CCSER1: variants seen among roughly 807,000 people sequenced by gnomAD.
CCSER1 encodes coiled-coil serine rich protein 1, also known as serine-rich coiled-coil domain-containing protein 1.
CCSER1 carries 41 observed loss-of-function variants against 82.0 expected under a neutral mutation model. The observed-to-expected ratio is 0.50, with a 90% CI of 0.39 to 0.65. CCSER1 has a LOEUF of 0.65. Ranked by LOEUF, CCSER1 falls within the 30% of genes least tolerant of loss-of-function variation. The pLI, the probability that CCSER1 is intolerant of heterozygous loss-of-function variation, is 0.00. For synonymous variants in CCSER1, 414 were observed against 383.9 expected (o/e 1.08, Z -0.92); for missense variants, 1,119 against 1,064.2 (o/e 1.05, Z -0.72).
At chr4:90,876,044 G>A (rs895519111) in intron 8 of CCSER1, among the ~76,000 whole-genome samples, 1 of 152,092 alleles carries the variant, frequency 6.6e-6, no homozygotes, top group Non-Finnish European at 1.5e-5. Context: ...TGGTAGCCTT[G>A]CCTGCTTCTT....
intron 5 of CCSER1, among the ~76,000 whole-genome samples, chr4:90,480,257 A>G (rs1041685632): frequency 6.6e-6 from 1 of 151,890 alleles, no homozygotes; most frequent in Admixed American, 6.6e-5. Flanking sequence ...GTTTGAGTTT[A>G]TTGTAGATTC....
At chr4:90,720,317 A>G (rs1265506970) in intron 6 of CCSER1, among the ~76,000 whole-genome samples, 2 of 151,906 alleles carry the variant, frequency 1.3e-5, no homozygotes, top group African/African-American at 4.8e-5. Context: ...AAAACACAAG[A>G]CCTAGGCACT....
intron 10 of CCSER1, among the ~76,000 whole-genome samples, chr4:91,478,993 TATAC>T (rs1360587835): frequency 1.3e-5 from 2 of 151,832 alleles, no homozygotes; most frequent in African/African-American, 4.8e-5. Context: ...ATTAAGCAAA[TATAC>T]ATACGTTTAA....
intron 10 of CCSER1, among the ~76,000 whole-genome samples, chr4:91,336,140 C>A (rs888082437): frequency 2.0e-5 from 3 of 152,034 alleles, no homozygotes; most frequent in African/African-American, 7.2e-5. Context: ...TGTCTATGCA[C>A]ATTCATTAAC....
At chr4:91,387,531 G>A (rs371037553) in intron 10 of CCSER1, among the ~76,000 whole-genome samples, 1 of 152,004 alleles carries the variant, frequency 6.6e-6, no homozygotes, top group African/African-American at 2.4e-5. Flanking sequence ...GCTTATGAAG[G>A]AAGCCATATA....
At chr4:90,232,776 A>T (rs1403889334) in intron 1 of CCSER1, among the ~76,000 whole-genome samples, 4 of 150,472 alleles carry the variant, frequency 2.7e-5, no homozygotes, top group African/African-American at 4.9e-5. Context: ...CAAATTTACA[A>T]GAAAAAAACA....
At chr4:90,276,259 C>T (rs71609588) in intron 1 of CCSER1, among the ~76,000 whole-genome samples, 4,815 of 60,880 alleles carry the variant, frequency 0.079, 115 homozygotes, top group East Asian at 0.087. Flanking sequence ...TCTTTCCTTC[C>T]TTCCTTCCTT....
intron 5 of CCSER1, among the ~76,000 whole-genome samples, chr4:90,625,266 A>G (rs1243864863): frequency 6.6e-6 from 1 of 152,192 alleles, no homozygotes; most frequent in African/African-American, 2.4e-5. Flanking sequence ...TGTCAACCAC[A>G]AGGATAATTT....
intron 5 of CCSER1, among the ~76,000 whole-genome samples, chr4:90,495,350 C>T (rs1768823279): frequency 6.6e-6 from 1 of 152,052 alleles, no homozygotes; most frequent in African/African-American, 2.4e-5. Flanking sequence ...TTAACATGAC[C>T]ATTGTTAATG....
At chr4:90,927,844 C>G (rs2150269739) in intron 9 of CCSER1, among the ~76,000 whole-genome samples, 1 of 152,072 alleles carries the variant, frequency 6.6e-6, no homozygotes, top group South Asian at 2.1e-4. Flanking sequence ...TTAGTTTTTA[C>G]TGTAATTGTT....
At chr4:91,150,288 G>T (rs1447764923) in intron 10 of CCSER1, among the ~76,000 whole-genome samples, 1 of 152,006 alleles carries the variant, frequency 6.6e-6, no homozygotes, top group African/African-American at 2.4e-5. Context: ...TTTGTCTGTT[G>T]TTGCTGTATA....
At chr4:90,786,675 C>G (rs1429178455) in intron 7 of CCSER1, among the ~76,000 whole-genome samples, 3 of 152,184 alleles carry the variant, frequency 2.0e-5, no homozygotes, top group Non-Finnish European at 4.4e-5. Context: ...TTCCTCTACT[C>G]TCATACCACA....
rs1328564139 is a variant in CCSER1 at position 90,413,878 on chromosome 4, G to A, written c.1603+13749G>A. Among the ~76,000 whole-genome samples the A allele has an allele frequency of 2.1e-5, 3 of 144,378 alleles. No homozygotes were observed. In the East Asian group the frequency reaches 6.2e-4, roughly 30 times the overall value. The allele number at this position is 144,378 out of a possible 152,430, so 94.7% of individuals were successfully genotyped here. A position where few individuals can be genotyped will look rare whatever the true frequency, so the allele number is the denominator to read the frequency against. ...GCAGGAGAATGGCGTGAACCCGGGA[G>A]GTGGAGCTTGCAGTGAGCCAAGATT... is the stretch of plus-strand genomic sequence containing the variant. On this transcript the variant is annotated intron_variant, in intron 4 of 10. Transcript: ENST00000509176.
intron 6 of CCSER1, among the ~76,000 whole-genome samples, chr4:90,716,075 TA>T (rs1191658925): frequency 6.6e-6 from 1 of 151,228 alleles, no homozygotes; most frequent in African/African-American, 2.4e-5. Flanking sequence ...TATTACCCTA[TA>T]TGTATAAAAA....
chr4:91,353,123 C>G (rs1436199087), intron 10 of CCSER1, among the ~76,000 whole-genome samples: 2 of 152,144 alleles, frequency 1.3e-5, no homozygotes, highest in African/African-American at 2.4e-5. Context: ...CATCTTGTAG[C>G]AGGATAAGCT....
intron 10 of CCSER1, among the ~76,000 whole-genome samples, chr4:91,278,127 A>G (rs1331166890): frequency 6.6e-6 from 1 of 152,022 alleles, no homozygotes; most frequent in African/African-American, 2.4e-5. Context: ...TCCATATGCT[A>G]AGGAGAAGAA....
intron 1 of CCSER1, among the ~76,000 whole-genome samples, chr4:90,263,964 G>T (rs1724798622): frequency 6.6e-6 from 1 of 152,174 alleles, no homozygotes; most frequent in African/African-American, 2.4e-5. Flanking sequence ...GAAAGTCAGA[G>T]CACAGACCCC....
chr4:90,399,442 T>C lies in CCSER1; in HGVS notation c.1510-594T>C, dbSNP rs78932613. On this transcript the variant is annotated intron_variant, in intron 3 of 10. Transcript: ENST00000509176. ...AAATAATTGGCAAATGGTAGCCAAA[T>C]TTTCACTTCCAAGCATGGTCTAAAT... Among the ~76,000 whole-genome samples the C allele has an allele frequency of 5.7e-3, 870 of 152,238 alleles. 46 individuals carry two copies. The East Asian group carries it at 0.11, about 20-fold the overall frequency.
intron 1 of CCSER1, among the ~76,000 whole-genome samples, chr4:90,207,782 T>C (rs1354878917): frequency 6.6e-6 from 1 of 152,188 alleles, no homozygotes; most frequent in Admixed American, 6.5e-5. Context: ...GGAGTTTGCT[T>C]GAGGTCCACT....
Sources: gnomAD v4.1 joint callset for allele counts (sites outside exome capture counted in the v4.1 genomes callset) on GRCh38, gnomAD v4.1.1 for gene constraint, MANE v1.5 for transcripts, NCBI Gene and HGNC (gene_info 2026-07-23, HGNC 2026-07-21) for gene names.